The following KIFC3 variants were observed in gnomAD, a reference collection of about 807,000 sequenced individuals.
The protein encoded by KIFC3 is kinesin family member C3, also known as kinesin-like protein KIFC3.
KIFC3 carries 60 observed loss-of-function variants against 101.8 expected under a neutral mutation model. The ratio of observed to expected loss-of-function variants is 0.59; its 90% CI spans 0.48 to 0.73. The LOEUF is 0.73. KIFC3 is among the 30% of genes least tolerant of loss of function. KIFC3 has a pLI of 0.00. For synonymous variants in KIFC3, 476 were observed against 482.7 expected, an observed-to-expected ratio of 0.99 and a Z score of 0.18; for missense variants, 966 against 1,137.1, an observed-to-expected ratio of 0.85 and a Z score of 2.16.
intron 1 of KIFC3, among the ~76,000 whole-genome samples, chr16:57,801,239 G>A (rs538566872): frequency 4.7e-4 from 72 of 152,320 alleles, no homozygotes; most frequent in African/African-American, 1.7e-3. Context: ...CAAAGACTGG[G>A]GGGACAGGCT....
At chr16:57,844,501 A>G (rs1377591846) in intron 1 of KIFC3, among the ~76,000 whole-genome samples, 3 of 151,852 alleles carry the variant, frequency 2.0e-5, no homozygotes, top group African/African-American at 4.8e-5. Flanking sequence ...CCTTACCTGA[A>G]AGCCATAGCC....
At chr16:57,780,957 G>C (rs2052666151) in intron 3 of KIFC3, among the ~76,000 whole-genome samples, 1 of 151,910 alleles carries the variant, frequency 6.6e-6, no homozygotes, top group African/African-American at 2.4e-5. Flanking sequence ...TTACAGGTGT[G>C]AGCCACCACA....
intron 1 of KIFC3, among the ~76,000 whole-genome samples, chr16:57,842,363 T>C (rs2055832524): frequency 6.6e-6 from 1 of 152,130 alleles, no homozygotes; most frequent in Non-Finnish European, 1.5e-5. Flanking sequence ...GGAGTGGACA[T>C]TCACTGCATA....
chr16:57,762,062 A>C lies in KIFC3; in HGVS notation c.1748+78T>G, dbSNP rs1383396891. 4.1e-6 allele frequency: 6 copies of C among 1,477,556 alleles called. No homozygotes were observed. The East Asian group carries it at 1.4e-4, about 34-fold the overall frequency. 91.5% of individuals were successfully genotyped at this position (1,477,556 alleles called of 1,614,324 possible). On this transcript the variant is annotated intron_variant, in intron 13 of 19. Transcript: ENST00000445690. ...CCCCACATACTGGGGGTCCCACCTG[A>C]GGACCTCGTTCCAGCACCACCCCGG...
chr16:57,837,554 G>GAAGGAAGGAAGGAAGAAAGAAAGA (rs71152302), intron 1 of KIFC3, among the ~76,000 whole-genome samples: 3 of 99,916 alleles, frequency 3.0e-5, no homozygotes, highest in East Asian at 3.2e-4. Context: ...AGGAAGGAAG[G>GAAGGAAGGAAGGAAGAAAGAAAGA]AAGAAAGAAA....
chr16:57,832,182 G>A lies in KIFC3; in HGVS notation c.108+30547C>T, dbSNP rs139667017. Among the ~76,000 whole-genome samples the A allele has an allele frequency of 5.7e-3, 867 of 151,512 alleles. 11 individuals are homozygous for A. The highest frequency in any genetic ancestry group is 0.019 in the African/African-American group (800 of 41,286). ...ACTACAGGAATGCACCACCATGCCC[G>A]TCTAATTTTTGTATTTTTGGTAGAG... is the stretch of plus-strand genomic sequence containing the variant. On this transcript the variant is annotated intron_variant, in intron 1 of 2. Transcript: ENST00000563028.
At position 57,759,797 on chromosome 16, in the gene KIFC3, C is replaced by G; in HGVS notation, c.2407G>C (p.Ala803Pro). ...GTCCCAGAGCTGGGGGCTGAGTGGG[C>G]CCGTGCCGAGGGCTGTGGCGTCTGA... is the stretch of plus-strand genomic sequence containing the variant. ...ACQTPQPSAR[A>P]HSAPSSGTSS... Residue 803 changes from alanine (A) to proline (P), a missense_variant, in exon 18 of 20, where the codon GCC becomes CCC. Coordinates refer to ENST00000445690, the MANE Select transcript of KIFC3 (RefSeq NM_001130100.2). 1 of 1,610,734 alleles carries G rather than the reference C, an allele frequency of 6.2e-7. No homozygotes were observed. The highest frequency in any genetic ancestry group is 8.5e-7 in the Non-Finnish European group (1 of 1,178,790).
chr16:57,788,709 G>A, intron 3 of KIFC3: 1 of 1,289,554 alleles, frequency 7.8e-7, no homozygotes, highest in Non-Finnish European at 1.0e-6. Context: ...GTCCTGCAGG[G>A]CCTGCTGCCA....
chr16:57,793,937 G>A (rs1393668562), intron 3 of KIFC3, among the ~76,000 whole-genome samples: 1 of 152,214 alleles, frequency 6.6e-6, no homozygotes, highest in Non-Finnish European at 1.5e-5. Context: ...GACTAAGAGA[G>A]GCAGTTTCTG....
At position 57,774,829 on chromosome 16, in the gene KIFC3, T is replaced by C. The variant is rs1339351106; in HGVS notation, c.316-2541A>G. ...GTTGTGAGCCCCTGCGCCCGGCCAGTAATTTTTCAGTCTCAAAGAATACGT... is the reference window on the plus strand; with the variant it reads ...GTTGTGAGCCCCTGCGCCCGGCCAGCAATTTTTCAGTCTCAAAGAATACGT... On this transcript the variant is annotated intron_variant, in intron 3 of 19. Transcript: ENST00000445690. 8.5e-6 allele frequency: 11 copies of C among 1,299,318 alleles called. No homozygotes were observed. In the African/African-American group the frequency reaches 1.5e-4, roughly 18 times the overall value. 80.5% of individuals were successfully genotyped at this position (1,299,318 alleles called of 1,614,324 possible).
chr16:57,772,268 C>G lies in KIFC3; in HGVS notation c.336G>C (p.Lys112Asn), dbSNP rs782297202. Reference protein sequence around the residue: ...LTLQVEHLKEKLISQAQEVSR... With the variant: ...LTLQVEHLKENLISQAQEVSR... ...TCACTTCCTGGGCCTGGCTAATGAG[C>G]TTCTCCTTCAGGTGTTCTACCTGTG... Residue 112 changes from lysine (K) to asparagine (N), a missense_variant, in exon 4 of 20, where the codon AAG becomes AAC. Transcript: ENST00000445690. The G allele has an allele frequency of 3.3e-5, 53 of 1,613,762 alleles. No homozygotes were observed. The highest frequency in any genetic ancestry group is 4.5e-5 in the Non-Finnish European group (53 of 1,179,866).
At chr16:57,839,480 C>T (rs1057219807) in intron 1 of KIFC3, among the ~76,000 whole-genome samples, 3 of 152,024 alleles carry the variant, frequency 2.0e-5, no homozygotes, top group Admixed American at 6.6e-5. Context: ...GTGGAGGCTA[C>T]GGTGAGCCAT....
intron 9 of KIFC3, among the ~76,000 whole-genome samples, chr16:57,767,757 T>C (rs2965791): frequency 0.96 from 146,702 of 152,272 alleles, 70,904 homozygotes; most frequent in African/African-American, 0.99. Context: ...ACTGCAGCCT[T>C]GACCTCCCAG....
At chr16:57,858,875 G>A (rs367552930) in intron 1 of KIFC3, among the ~76,000 whole-genome samples, 19 of 152,104 alleles carry the variant, frequency 1.2e-4, no homozygotes, top group African/African-American at 4.6e-4. Context: ...GCTTGAACTG[G>A]GGAAATCAAT....
At chr16:57,846,198 T>C (rs2055914513) in intron 1 of KIFC3, among the ~76,000 whole-genome samples, 2 of 152,116 alleles carry the variant, frequency 1.3e-5, no homozygotes, top group South Asian at 4.1e-4. Flanking sequence ...GAGGGAGAAC[T>C]CCACCCCTCT....
intron 1 of KIFC3, among the ~76,000 whole-genome samples, chr16:57,808,534 T>C (rs2054995924): frequency 6.6e-6 from 1 of 152,338 alleles, no homozygotes; most frequent in African/African-American, 2.4e-5. Context: ...GGTGGCAGTT[T>C]TTGTTTTTGA....
chr16:57,768,509 T>TCTCACACACACACACACACACACACA (rs147198668), intron 9 of KIFC3, among the ~76,000 whole-genome samples: 1 of 139,030 alleles, frequency 7.2e-6, no homozygotes, highest in African/African-American at 2.8e-5. Context: ...CCATATATTC[T>TCTCACACACACACACACACACACACA]CACACACACA....
Position 57,761,497 on chromosome 16 carries a change from G to C in KIFC3, c.1788C>G (p.Ile596Met). The change falls in exon 14 of 20, where the codon ATC becomes ATG. Residue 596 changes from isoleucine to methionine, a missense_variant. Ile to Met is a conservative substitution (Grantham distance 10, BLOSUM62 1). This residue lies in a region of KIFC3 where 689 missense variants were observed against 884.6 expected (regional missense o/e 0.78). Coordinates refer to ENST00000445690, the MANE Select transcript of KIFC3 (RefSeq NM_001130100.2). ...LGKEPQEKLEIRLCPDGSGQL... is the reference protein window; with the variant it reads ...LGKEPQEKLEMRLCPDGSGQL... ...GCCCACTGCCGTCTGGGCACAGCCGGATCTCCAGTTTTTCCTGAGGCTCTT... is the reference window on the plus strand; with the variant it reads ...GCCCACTGCCGTCTGGGCACAGCCGCATCTCCAGTTTTTCCTGAGGCTCTT... 1.9e-6 allele frequency: 3 copies of C among 1,613,796 alleles called. No individual in the cohort carries two copies. The highest frequency in any genetic ancestry group is 2.5e-6 in the Non-Finnish European group (3 of 1,179,832).
chr16:57,758,325 C>CA lies in KIFC3; in HGVS notation c.*608dup, dbSNP rs2049378997. 2.8e-5 allele frequency: 7 copies of CA among 249,612 alleles called. No individual in the cohort carries two copies. In the South Asian group the frequency reaches 2.9e-4, roughly 10 times the overall value. 15.5% of individuals were successfully genotyped at this position (249,612 alleles called of 1,614,324 possible). The stretch of plus-strand genomic sequence containing the variant: ...AAATTCGAGAGACCAGCGAGCCAGG[C>CA]AGGTGAGCGAGCAGCAGAATCCCCC... On this transcript the variant is annotated 3_prime_UTR_variant, in exon 20 of 20. Coordinates refer to ENST00000445690, the MANE Select transcript of KIFC3 (RefSeq NM_001130100.2).
Sources: allele counts gnomAD v4.1 joint callset (sites outside exome capture counted in the v4.1 genomes callset), GRCh38; gene constraint gnomAD v4.1.1; regional missense constraint gnomAD v4.1.1; transcripts MANE v1.5; gene names NCBI Gene and HGNC (gene_info 2026-07-23, HGNC 2026-07-21).